Variants in CELSR2 observed in about 807,000 individuals in gnomAD.
CELSR2 encodes EGF-like protein 2.
Under a neutral mutation model 251.6 loss-of-function variants are expected in CELSR2, and 81 were observed. The ratio of observed to expected loss-of-function variants is 0.32; its 90% confidence interval spans 0.27 to 0.39. CELSR2 has a LOEUF of 0.39. CELSR2 is among the 10% of genes least tolerant of loss of function. The pLI is 1.00. For synonymous variants in CELSR2, 1,721 were observed against 1,670.5 expected (o/e 1.03, Z -0.74); for missense variants, 3,365 against 3,947.7 (o/e 0.85, Z 3.96).
rs1254172520 is a variant in CELSR2, at chr1:109,251,863, G to A, written c.1784G>A (p.Ser595Asn). ...ACTCCAGCACTCACTGCCTCGGCCA[G>A]TGTCAGCGTGACTGTCCTGGATGTC... is the stretch of plus-strand genomic sequence containing the variant. ...HGTPALTASA[S>N]VSVTVLDVND... Residue 595 changes from serine (S) to asparagine (N), a missense_variant, in exon 1 of 34, where the codon AGT (serine) becomes AAT (asparagine). This residue lies in a region of CELSR2 where 704 missense variants were observed against 784.1 expected (regional missense o/e 0.90). Coordinates refer to ENST00000271332, the MANE Select transcript of CELSR2 (RefSeq NM_001408.3). This position sits in a 1 kb window ranked among gnomAD's most constrained non-coding sequence, Gnocchi z 4.9. The A allele has an allele frequency of 3.1e-6, 5 of 1,614,134 alleles. No homozygotes were observed. Among genetic ancestry groups the A allele is most frequent in the Non-Finnish European group, 4.2e-6 (5 of 1,180,022 alleles).
Position 109,264,560 on chromosome 1 carries a change from C to T in CELSR2, c.5396C>T (p.Ser1799Leu). Residue 1799 changes from serine to leucine, a missense_variant, in exon 11 of 34, where the codon TCA (serine) becomes TTA (leucine). Transcript: ENST00000271332. ...TGTAGCCTGCCTGACCCTTGTGACT[C>T]AAACCCGTGTCCTGCTAACAGCTAT... ...QGCSLPDPCD[S>L]NPCPANSYCS... 6.2e-7 allele frequency: 1 copy of T among 1,614,204 alleles called. No homozygotes were observed. Among genetic ancestry groups the T allele is most frequent in the Non-Finnish European group, 8.5e-7 (1 of 1,180,032 alleles).
Position 109,267,594 on chromosome 1 carries a change from A to G in CELSR2, c.6060A>G (p.Pro2020=). The change falls in exon 16 of 34, where the codon CCA becomes CCG. Residue 2020 remains proline (P), a synonymous_variant. Coordinates refer to ENST00000271332, the MANE Select transcript of CELSR2 (RefSeq NM_001408.3). ...ATGAGCACAGGGGGTGGCTCCCCCC[A>G]AACCTCTTCAACTGCACGTCCATCA... is the stretch of plus-strand genomic sequence containing the variant. ...HCDEHRGWLP[P]NLFNCTSITF... is the part of the protein sequence containing the mutation. 1 of 1,614,106 alleles carries G rather than the reference A, an allele frequency of 6.2e-7. No individual in the cohort carries two copies. The highest frequency in any genetic ancestry group is 8.5e-7 in the Non-Finnish European group (1 of 1,179,998).
chr1:109,256,192 T>C (rs1293178270), intron 1 of CELSR2, among the ~76,000 whole-genome samples: 1 of 152,092 alleles, frequency 6.6e-6, no homozygotes, highest in Non-Finnish European at 1.5e-5. Context: ...GAGAGGAAAG[T>C]AGAGCCTGAT....
chr1:109,269,791 G>A lies in CELSR2; in HGVS notation c.7078G>A (p.Ala2360Thr), dbSNP rs754848798. ...CCAGTGCAACCACATGACGAGCTTC[G>A]CTGTGCTCATGGACGTTTCTCGGCG... ...SCQCNHMTSF[A>T]VLMDVSRREN... is the part of the protein sequence containing the mutation. Residue 2360 changes from alanine (A) to threonine (T), a missense_variant, in exon 22 of 34, where the codon GCT becomes ACT. Ala to Thr is a moderately conservative substitution (Grantham distance 58). Coordinates refer to ENST00000271332, the MANE Select transcript of CELSR2 (RefSeq NM_001408.3). The surrounding 1 kb of genome is among the most constrained non-coding windows in gnomAD (Gnocchi z 6.4). 6.2e-7 allele frequency: 1 copy of A among 1,613,466 alleles called. No individual in the cohort carries two copies. The highest frequency in any genetic ancestry group is 1.1e-5 in the South Asian group (1 of 91,080).
Position 109,271,020 on chromosome 1 carries a change from C to T in CELSR2, c.7577C>T (p.Pro2526Leu), listed in dbSNP as rs374605178. Residue 2526 changes from proline to leucine, a missense_variant, in exon 25 of 34, where the codon CCG (proline) becomes CTG (leucine). Physicochemically the swap from Pro to Leu is moderately conservative, Grantham distance 98. This residue lies in a region of CELSR2 where 2,093 missense variants were observed against 2,382.8 expected (regional missense o/e 0.88). Transcript: ENST00000271332. ...YDTLIWSFAG[P>L]VAFAVSMSVF... ...ACGCTCATCTGGAGTTTTGCTGGCC[C>T]GGTGGCCTTTGCCGTCTCGGTGAGT... 81 of 1,613,590 alleles carry T rather than the reference C, an allele frequency of 5.0e-5. No homozygotes were observed. Among genetic ancestry groups the T allele is most frequent in the Non-Finnish European group, 6.4e-5 (76 of 1,179,918 alleles).
intron 1 of CELSR2, among the ~76,000 whole-genome samples, chr1:109,256,848 C>T (rs981900875): frequency 1.3e-5 from 2 of 152,134 alleles, no homozygotes; most frequent in Admixed American, 6.5e-5. Context: ...TTAGTAGAGA[C>T]GGGGTTTCAC....
intron 25 of CELSR2, 85 bp from the exon 26 acceptor site, chr1:109,271,132 G>A (rs926598807): frequency 1.3e-6 from 2 of 1,534,492 alleles, no homozygotes; most frequent in Middle Eastern, 1.7e-4. Flanking sequence ...CTCCCTTTAG[G>A]AACAGCTGAG....
Position 109,264,506 on chromosome 1 carries a change from A to G in CELSR2, c.5342A>G (p.His1781Arg). Residue 1781 changes from histidine (H) to arginine (R), a missense_variant, in exon 11 of 34, where the codon CAT (histidine) becomes CGT (arginine). His to Arg is a conservative substitution (Grantham distance 29, BLOSUM62 0). Coordinates refer to ENST00000271332, the MANE Select transcript of CELSR2 (RefSeq NM_001408.3). ...GGGGTTAACAGCCTGGATCCCAGCCATGGGGAGAGCATCAACGTGGAGCAA... is the reference window on the plus strand; with the variant it reads ...GGGGTTAACAGCCTGGATCCCAGCCGTGGGGAGAGCATCAACGTGGAGCAA... ...PEGVNSLDPSHGESINVEQGC... is the reference protein window; with the variant it reads ...PEGVNSLDPSRGESINVEQGC... The G allele has an allele frequency of 6.2e-7, 1 of 1,613,974 alleles. No homozygotes were observed. The highest frequency in any genetic ancestry group is 8.5e-7 in the Non-Finnish European group (1 of 1,179,958).
intron 9 of CELSR2, 41 bp downstream of exon 9, chr1:109,263,818 G>C (rs1426442911): frequency 6.3e-7 from 1 of 1,599,238 alleles, no homozygotes; most frequent in Admixed American, 1.7e-5. Flanking sequence ...CTGGCCATAG[G>C]GCCCTGGTAG....
intron 23 of CELSR2, 33 bp downstream of exon 23, chr1:109,270,166 C>T: frequency 6.2e-7 from 1 of 1,607,120 alleles, no homozygotes; most frequent in Non-Finnish European, 8.5e-7. Context: ...AAACTGTCCC[C>T]ACCTTCTCAG....
At position 109,270,973 on chromosome 1, in the gene CELSR2, C is replaced by T; in HGVS notation, c.7530C>T (p.Phe2510=). 1 of 1,614,088 alleles carries T rather than the reference C, an allele frequency of 6.2e-7. No homozygotes were observed. Among genetic ancestry groups the T allele is most frequent in the Non-Finnish European group, 8.5e-7 (1 of 1,180,028 alleles). ...LDPEGYGNPD[F]CWLSIYDTLI... is the part of the protein sequence containing the mutation. ...CCGAGGGCTACGGGAACCCTGACTT[C>T]TGCTGGCTCTCCATCTATGACACGC... Residue 2510 remains phenylalanine (F), a synonymous_variant, in exon 25 of 34, where the codon TTC becomes TTT. Transcript: ENST00000271332.
chr1:109,263,493 G>C lies in CELSR2; in HGVS notation c.4835-118G>C, dbSNP rs1656086215. Reference sequence around the variant, plus strand: ...CCAGGGCAGGTACGCACTTTGGAGGGCGGGGCTGATGAGGGGAGTGGGCTC... The same window carrying C: ...CCAGGGCAGGTACGCACTTTGGAGGCCGGGGCTGATGAGGGGAGTGGGCTC... On this transcript the variant is annotated intron_variant, in intron 8 of 33. Transcript: ENST00000271332. The C allele has an allele frequency of 2.1e-6, 3 of 1,458,740 alleles. No homozygotes were observed. In the South Asian group the frequency reaches 3.9e-5, roughly 19 times the overall value. 90.4% of individuals were successfully genotyped at this position (1,458,740 alleles called of 1,614,324 possible). A position where few individuals can be genotyped will look rare whatever the true frequency, so the allele number is the denominator to read the frequency against.
In CELSR2 at chr1:109,249,696, A is replaced by T. The variant is rs968351809; in HGVS notation, c.-384A>T. ...CGGGCCGGGGTCGGGGCGCACGGCT[A>T]CGCGGGCGCAGGTGGGCGATCCCAT... On this transcript the variant is annotated 5_prime_UTR_variant, in exon 1 of 34. Transcript: ENST00000271332. 6.8e-6 allele frequency among the ~76,000 whole-genome samples: 1 copy of T among 146,984 alleles called. No individual in the cohort carries two copies. Among genetic ancestry groups the T allele is most frequent in the African/African-American group, 2.5e-5 (1 of 40,634 alleles).
chr1:109,270,672 C>A, intron 24 of CELSR2, 72 bp downstream of exon 24: 2 of 1,540,728 alleles, frequency 1.3e-6, no homozygotes, highest in South Asian at 1.2e-5. Context: ...TCTCTCCACC[C>A]ACATACAGGC....
chr1:109,272,965 A>G lies in CELSR2; in HGVS notation c.8276A>G (p.Gln2759Arg), dbSNP rs377543974. 82 of 1,614,066 alleles carry G rather than the reference A, an allele frequency of 5.1e-5. No homozygotes were observed. The East Asian group carries it at 1.2e-3, about 23-fold the overall frequency. ...EEEEAAFPGE[Q>R]GWDSLLGPGA... ...GAGGAGGCCGCCTTCCCTGGAGAGCAGGGCTGGGATAGCCTGCTGGGGCCT... is the reference window on the plus strand; with the variant it reads ...GAGGAGGCCGCCTTCCCTGGAGAGCGGGGCTGGGATAGCCTGCTGGGGCCT... Residue 2759 changes from glutamine to arginine, a missense_variant, in exon 31 of 34, where the codon CAG becomes CGG. Gln to Arg is a conservative substitution (Grantham distance 43, BLOSUM62 1). Coordinates refer to ENST00000271332, the MANE Select transcript of CELSR2 (RefSeq NM_001408.3).
Position 109,273,229 on chromosome 1 carries a change from G to A in CELSR2, c.8402G>A (p.Ser2801Asn), listed in dbSNP as rs201868117. The stretch of plus-strand genomic sequence containing the variant: ...GACTTTGGGACCACAGCAAAAGAGA[G>A]TAGTGGCAACGGGGCCCCTGAGGAG... ...PGDFGTTAKE[S>N]SGNGAPEERL... Residue 2801 changes from serine to asparagine, a missense_variant, in exon 32 of 34, where the codon AGT (serine) becomes AAT (asparagine). Coordinates refer to ENST00000271332, the MANE Select transcript of CELSR2 (RefSeq NM_001408.3). 13 of 1,613,474 alleles carry A rather than the reference G, an allele frequency of 8.1e-6. No homozygotes were observed. In the African/African-American group the frequency reaches 1.5e-4, roughly 18 times the overall value.
chr1:109,269,091 T>C lies in CELSR2; in HGVS notation c.6632-19T>C. The C allele has an allele frequency of 6.3e-7, 1 of 1,598,170 alleles. No individual in the cohort carries two copies. The highest frequency in any genetic ancestry group is 2.2e-5 in the East Asian group (1 of 44,562). On this transcript the variant is annotated intron_variant, in intron 19 of 33. Coordinates refer to ENST00000271332, the MANE Select transcript of CELSR2 (RefSeq NM_001408.3). The surrounding 1 kb of genome is among the most constrained non-coding windows in gnomAD (Gnocchi z 6.4). The stretch of plus-strand genomic sequence containing the variant: ...ACAGAGAGCAGGGCCCAGCTAAGTG[T>C]GACAGTGTCCCCTCCCAGAGACGCC...
At chr1:109,256,584 C>T (rs934905973) in intron 1 of CELSR2, among the ~76,000 whole-genome samples, 13 of 152,192 alleles carry the variant, frequency 8.5e-5, no homozygotes, top group African/African-American at 2.4e-4. Flanking sequence ...GCTCCTGCCC[C>T]GTTACTGCTA....
At position 109,257,198 on chromosome 1, in the gene CELSR2, C is replaced by T. The variant is rs1435234090; in HGVS notation, c.3311-1234C>T. Among the ~76,000 whole-genome samples, 4 of 152,168 alleles carry T rather than the reference C, an allele frequency of 2.6e-5. No individual in the cohort carries two copies. In the South Asian group the frequency reaches 8.3e-4, roughly 32 times the overall value. The stretch of plus-strand genomic sequence containing the variant: ...GCAAGACCCCATCTCTACACACAAA[C>T]AAAAATTAGCCAGGCATAGTTGTGA... On this transcript the variant is annotated intron_variant, in intron 1 of 33. Coordinates refer to ENST00000271332, the MANE Select transcript of CELSR2 (RefSeq NM_001408.3).
Sources: allele counts gnomAD v4.1 joint callset (sites outside exome capture counted in the v4.1 genomes callset), GRCh38; gene constraint gnomAD v4.1.1; regional missense constraint gnomAD v4.1.1; non-coding constraint Gnocchi (gnomAD v3.1); transcripts MANE v1.5; gene names NCBI Gene and HGNC (gene_info 2026-07-23, HGNC 2026-07-21).